Variants in CFAP91 observed in about 807,000 individuals in gnomAD.
CFAP91 encodes the protein cilia and flagella associated protein 91, also known as cilia- and flagella-associated protein 91.
Under a neutral mutation model 95.9 loss-of-function variants are expected in CFAP91, and 85 were observed. That is an observed-to-expected ratio of 0.89 (90% CI 0.74 to 1.06). The LOEUF (loss-of-function observed/expected upper bound fraction) is 1.06, where lower values mean the gene tolerates loss of function less well. Ranked by LOEUF, CFAP91 falls within the 50% of genes least tolerant of loss-of-function variation. CFAP91 has a pLI of 0.00. For missense variants in CFAP91, 962 were observed against 943.4 expected (o/e 1.02, Z -0.26); for synonymous variants, 335 against 327.5 (o/e 1.02, Z -0.25).
At chr3:119,741,194 AT>A (rs57025703) in intron 13 of CFAP91, among the ~76,000 whole-genome samples, 18 of 152,044 alleles carry the variant, frequency 1.2e-4, no homozygotes, top group African/African-American at 4.1e-4. Context: ...ATATGGTGCT[AT>A]TTTTTCTTTA....
chr3:119,721,665 G>T (rs2053686873), intron 6 of CFAP91, among the ~76,000 whole-genome samples: 1 of 152,132 alleles, frequency 6.6e-6, no homozygotes, highest in Non-Finnish European at 1.5e-5. Flanking sequence ...ATAATTATCT[G>T]CCCATTATGG....
At chr3:119,729,587 T>C (rs1176980575) in intron 7 of CFAP91, among the ~76,000 whole-genome samples, 1 of 150,512 alleles carries the variant, frequency 6.6e-6, no homozygotes, top group African/African-American at 2.5e-5. Context: ...GAGGCTGCAG[T>C]GAGCTTAGAT....
At chr3:119,714,408 G>A (rs1007955337) in intron 5 of CFAP91, among the ~76,000 whole-genome samples, 3 of 151,496 alleles carry the variant, frequency 2.0e-5, no homozygotes, top group Admixed American at 6.6e-5. Context: ...GGAGCAAAGC[G>A]TATTTTAACT....
At chr3:119,715,402 C>A in intron 5 of CFAP91, 160 bp from the exon 6 acceptor site, 1 of 736,992 alleles carries the variant, frequency 1.4e-6, no homozygotes, top group Non-Finnish European at 2.4e-6. Context: ...AAGATTTGTG[C>A]GCATAATCCT....
At chr3:119,742,635 T>C (rs2054143119) in intron 13 of CFAP91, among the ~76,000 whole-genome samples, 1 of 152,238 alleles carries the variant, frequency 6.6e-6, no homozygotes, top group Non-Finnish European at 1.5e-5. Flanking sequence ...GCTGAGTATC[T>C]ACTGTTTATG....
Position 119,766,326 on chromosome 3 carries a change from T to A in CFAP91, c.*1276T>A, listed in dbSNP as rs2054626836. On this transcript the variant is annotated 3_prime_UTR_variant, in exon 18 of 18. Transcript: ENST00000273390. Reference sequence around the variant, plus strand: ...TAATAATTAATTTTCTGAGTTTTTTTTTAAAAAAACTAATTATACAAACTT... The same window carrying A: ...TAATAATTAATTTTCTGAGTTTTTTATTAAAAAAACTAATTATACAAACTT... 6.6e-6 allele frequency: 1 copy of A among 152,126 alleles called. No homozygotes were observed. The highest frequency in any genetic ancestry group is 6.5e-5 in the Admixed American group (1 of 15,276). The allele number at this position is 152,126 out of a possible 1,614,324, so 9.4% of individuals were successfully genotyped here.
At chr3:119,705,513 T>C (rs1277737676) in intron 1 of CFAP91, among the ~76,000 whole-genome samples, 5 of 152,298 alleles carry the variant, frequency 3.3e-5, no homozygotes, top group Middle Eastern at 3.4e-3. Flanking sequence ...GTTCTTCAGA[T>C]GTATCAGGCA....
chr3:119,739,643 TG>T (rs1423154612), intron 12 of CFAP91, among the ~76,000 whole-genome samples: 1 of 152,244 alleles, frequency 6.6e-6, no homozygotes, highest in Non-Finnish European at 1.5e-5. Flanking sequence ...ACCTGAATTT[TG>T]GCTATTTAAG....
At chr3:119,756,332 G>A (rs926449505) in intron 17 of CFAP91, among the ~76,000 whole-genome samples, 8 of 152,140 alleles carry the variant, frequency 5.3e-5, no homozygotes, top group African/African-American at 1.7e-4. Flanking sequence ...AGGATTCTAG[G>A]CAAACATATT....
intron 17 of CFAP91, among the ~76,000 whole-genome samples, chr3:119,753,940 A>G (rs1045524075): frequency 2.0e-5 from 3 of 152,184 alleles, no homozygotes; most frequent in Admixed American, 2.0e-4. Context: ...GGGAAAATAC[A>G]TTTCTGTTGT....
At position 119,744,175 on chromosome 3, in the gene CFAP91, G is replaced by A. The variant is rs751425509; in HGVS notation, c.1881G>A (p.Glu627=). The A allele has an allele frequency of 6.2e-7, 1 of 1,613,112 alleles. No individual in the cohort carries two copies. The highest frequency in any genetic ancestry group is 1.1e-5 in the South Asian group (1 of 91,030). ...RRQVEKQRLR[E]EDEIFKEVVK... ...AGGTGGAAAAACAGCGCCTGCGGGAGGAGGACGAGATATTTAAGGAGGCAA... is the reference window on the plus strand; with the variant it reads ...AGGTGGAAAAACAGCGCCTGCGGGAAGAGGACGAGATATTTAAGGAGGCAA... Residue 627 remains glutamate, a synonymous_variant, in exon 14 of 18, where the codon GAG becomes GAA. Transcript: ENST00000273390.
At chr3:119,735,574 A>C (rs76696313) in intron 10 of CFAP91, among the ~76,000 whole-genome samples, 1 of 152,168 alleles carries the variant, frequency 6.6e-6, no homozygotes, top group Non-Finnish European at 1.5e-5. Flanking sequence ...ACTCAATTGC[A>C]TTGTGATCAG....
In CFAP91 at chr3:119,751,067, G is replaced by A; in HGVS notation, c.2274G>A (p.Glu758=). Residue 758 remains glutamate, a synonymous_variant, in exon 17 of 18, where the codon GAG becomes GAA. Transcript: ENST00000273390. Reference sequence around the variant, plus strand: ...CCTCAAATGCTGCCATGTTACTTGAGAAAGAAACTCAAAATGAGAACAACA... The same window carrying A: ...CCTCAAATGCTGCCATGTTACTTGAAAAAGAAACTCAAAATGAGAACAACA... ...DEASNAAMLL[E]KETQNENNS is the part of the protein sequence containing the mutation. 1 of 1,608,190 alleles carries A rather than the reference G, an allele frequency of 6.2e-7. No individual in the cohort carries two copies. The highest frequency in any genetic ancestry group is 8.5e-7 in the Non-Finnish European group (1 of 1,178,102).
chr3:119,720,137 C>T (rs183548831), intron 6 of CFAP91, among the ~76,000 whole-genome samples: 3 of 151,302 alleles, frequency 2.0e-5, no homozygotes, highest in African/African-American at 7.3e-5. Flanking sequence ...CCCTGTAATC[C>T]CAGCATTTTG....
chr3:119,712,832 G>C (rs533575407), intron 5 of CFAP91, among the ~76,000 whole-genome samples: 3 of 151,986 alleles, frequency 2.0e-5, no homozygotes, highest in Non-Finnish European at 2.9e-5. Context: ...GTGGGCACCT[G>C]TAATCCCAGC....
chr3:119,756,046 G>A (rs973052072), intron 17 of CFAP91, among the ~76,000 whole-genome samples: 11 of 152,058 alleles, frequency 7.2e-5, no homozygotes, highest in Non-Finnish European at 1.3e-4. Flanking sequence ...TATGGAATAC[G>A]AATTTTCCAA....
At chr3:119,712,683 G>C (rs1032026473) in intron 5 of CFAP91, among the ~76,000 whole-genome samples, 1 of 152,080 alleles carries the variant, frequency 6.6e-6, no homozygotes, top group Non-Finnish European at 1.5e-5. Flanking sequence ...GCCCGTGTGC[G>C]GTGGCTCAGA....
intron 6 of CFAP91, 30 bp from the exon 7 acceptor site, chr3:119,726,141 G>A: frequency 6.4e-7 from 1 of 1,574,492 alleles, no homozygotes; most frequent in Non-Finnish European, 8.6e-7. Context: ...CAGCTCACTT[G>A]TTCCTAAGCT....
chr3:119,703,116 CAT>C lies in CFAP91; in HGVS notation c.19_20del (p.Ile7ArgfsTer31). 1 of 1,561,654 alleles carries C rather than the reference CAT, an allele frequency of 6.4e-7. No homozygotes were observed. MSHAVT[I>X]EEPQAQPQVS... ...GCGGCACCATGAGCCACGCAGTAAC[CAT>C]CGAGGAGCCCCAGGCCCAGCCGCAG... On this transcript the variant is annotated frameshift_variant, in exon 1 of 18. Coordinates refer to ENST00000273390, the MANE Select transcript of CFAP91 (RefSeq NM_033364.4). LOFTEE classifies it high-confidence loss of function.
Sources: gnomAD v4.1 joint callset for allele counts (sites outside exome capture counted in the v4.1 genomes callset) on GRCh38, gnomAD v4.1.1 for gene constraint, MANE v1.5 for transcripts, NCBI Gene and HGNC (gene_info 2026-07-23, HGNC 2026-07-21) for gene names.